SLC9A8: variants seen among roughly 807,000 people sequenced by gnomAD.
The protein encoded by SLC9A8 is solute carrier family 9 member A8, also known as sodium/hydrogen exchanger 8.
SLC9A8 carries 48 observed loss-of-function variants against 66.6 expected under a neutral mutation model. The ratio of observed to expected loss-of-function variants is 0.72; its 90% CI spans 0.57 to 0.92. SLC9A8 has a LOEUF of 0.92. SLC9A8 is among the 40% of genes least tolerant of loss of function. The pLI is 0.00. For synonymous variants in SLC9A8, 274 were observed against 282.6 expected, an observed-to-expected ratio of 0.97 and a Z score of 0.31; for missense variants, 599 against 747.3, an observed-to-expected ratio of 0.80 and a Z score of 2.31.
rs1472886527 is a variant in SLC9A8, at chr20:49,887,934, T to G, written c.1744T>G (p.Ter582GlyextTer38). ...CGAGGACGACGAGCAGGAGCTGCTC[T>G]GACGCCAGGTGCCAAGGCTTCAGGC... ...GSEDDEQELL[*>G] is the part of the protein sequence containing the mutation. The change falls in exon 16 of 16, where the codon TGA becomes GGA. Residue 582 changes from the stop codon to glycine (G), a stop_lost. Coordinates refer to ENST00000361573, the MANE Select transcript of SLC9A8 (RefSeq NM_015266.3). 1.2e-6 allele frequency: 2 copies of G among 1,612,452 alleles called. No individual in the cohort carries two copies. The highest frequency in any genetic ancestry group is 1.7e-6 in the Non-Finnish European group (2 of 1,178,844).
chr20:49,834,139 G>GTCTCTCTCTCTCTCTC (rs71335517), intron 3 of SLC9A8, among the ~76,000 whole-genome samples: 20 of 65,400 alleles, frequency 3.1e-4, no homozygotes, highest in African/African-American at 6.9e-4. Context: ...ATATTAGCTT[G>GTCTCTCTCTCTCTCTC]TCTCTCTCTC....
chr20:49,873,977 C>T (rs557197028), intron 10 of SLC9A8, among the ~76,000 whole-genome samples: 2 of 151,612 alleles, frequency 1.3e-5, no homozygotes, highest in Admixed American at 6.6e-5. Flanking sequence ...TGGCCAGGTG[C>T]AGTGGCTCAC....
At chr20:49,863,180 T>A in intron 9 of SLC9A8, 113 bp downstream of exon 9, 1 of 968,618 alleles carries the variant, frequency 1.0e-6, no homozygotes, top group Non-Finnish European at 1.5e-6. Context: ...AGATTTTGCT[T>A]AAAGGAGGAT....
At chr20:49,859,304 G>A (rs1014973587) in intron 8 of SLC9A8, among the ~76,000 whole-genome samples, 2 of 152,190 alleles carry the variant, frequency 1.3e-5, no homozygotes, top group African/African-American at 4.8e-5. Flanking sequence ...GGCAAAAGAT[G>A]CCCGTAGAGA....
intron 14 of SLC9A8, among the ~76,000 whole-genome samples, chr20:49,884,336 A>ACAC (rs1568884621): frequency 4.6e-5 from 5 of 108,520 alleles, no homozygotes; most frequent in South Asian, 3.1e-4. Context: ...ACACACACAC[A>ACAC]CCCCCCGGTC....
At chr20:49,869,129 A>G (rs1210601285) in intron 10 of SLC9A8, among the ~76,000 whole-genome samples, 2 of 152,170 alleles carry the variant, frequency 1.3e-5, no homozygotes, top group African/African-American at 4.8e-5. Context: ...GATGGGAGAG[A>G]GTGACACTCT....
At chr20:49,862,650 C>T (rs1303762235) in intron 8 of SLC9A8, among the ~76,000 whole-genome samples, 3 of 152,180 alleles carry the variant, frequency 2.0e-5, no homozygotes. Flanking sequence ...CCCTCTACCC[C>T]TCCCGCGGAT....
chr20:49,873,771 C>CAAAAAAA (rs35613935), intron 10 of SLC9A8, among the ~76,000 whole-genome samples: 5 of 60,252 alleles, frequency 8.3e-5, no homozygotes, highest in Non-Finnish European at 9.1e-5. Flanking sequence ...AACTCCGTCT[C>CAAAAAAA]AAAAAAAAAA....
At chr20:49,833,968 G>C (rs1319292578) in intron 3 of SLC9A8, among the ~76,000 whole-genome samples, 1 of 151,662 alleles carries the variant, frequency 6.6e-6, no homozygotes, top group Non-Finnish European at 1.5e-5. Flanking sequence ...TTAAATATAA[G>C]CTGGGCGCAG....
chr20:49,830,212 G>A (rs571545852), intron 3 of SLC9A8: 25 of 823,564 alleles, frequency 3.0e-5, no homozygotes, highest in African/African-American at 2.7e-4. Context: ...GCCGTGAATG[G>A]CAGCATCACA....
Position 49,886,395 on chromosome 20 carries a change from A to G in SLC9A8, c.1492-357A>G, listed in dbSNP as rs191229563. 25 of 180,592 alleles carry G rather than the reference A, an allele frequency of 1.4e-4. No homozygotes were observed. The highest frequency in any genetic ancestry group is 5.4e-4 in the African/African-American group (23 of 42,566). 11.2% of individuals were successfully genotyped at this position (180,592 alleles called of 1,614,324 possible). ...TAATAGAGCCACAGGCAAAGAGACA[A>G]AAAGCCTCCCTGTGCGATTTGCTGC... is the stretch of plus-strand genomic sequence containing the variant. On this transcript the variant is annotated intron_variant, in intron 14 of 15. Transcript: ENST00000361573. This position sits in a 1 kb window ranked among gnomAD's most constrained non-coding sequence, Gnocchi z 4.8.
chr20:49,844,995 A>G, intron 4 of SLC9A8, 41 bp from the exon 5 acceptor site: 1 of 1,405,632 alleles, frequency 7.1e-7, no homozygotes, highest in Non-Finnish European at 1.0e-6. Context: ...TCTTAATTAC[A>G]CAAATTCCAT....
chr20:49,881,526 TCATA>T (rs1482925570), intron 13 of SLC9A8, among the ~76,000 whole-genome samples: 6 of 152,364 alleles, frequency 3.9e-5, no homozygotes, highest in Non-Finnish European at 8.8e-5. Context: ...GGAAATGATT[TCATA>T]CATCTTTGCT....
Position 49,830,772 on chromosome 20 carries a change from G to C in SLC9A8, c.289+7631G>C. ...AAACATAGTCCAAGGGAGCTTCATA[G>C]CCATGATCACTGAGGTGCTGACCCT... On this transcript the variant is annotated intron_variant, in intron 3 of 15. Transcript: ENST00000361573. The C allele has an allele frequency of 1.3e-5, 11 of 826,864 alleles. 1 individual carries two copies. In the South Asian group the frequency reaches 1.4e-4, roughly 10 times the overall value. 51.2% of individuals were successfully genotyped at this position (826,864 alleles called of 1,614,324 possible).
chr20:49,855,945 C>G (rs2088461581), intron 8 of SLC9A8, among the ~76,000 whole-genome samples: 1 of 152,052 alleles, frequency 6.6e-6, no homozygotes, highest in Admixed American at 6.5e-5. Context: ...CACGTGCCAT[C>G]ACGCCCAGCT....
At chr20:49,887,715 C>T in intron 15 of SLC9A8, 114 bp from the exon 16 acceptor site, 4 of 741,112 alleles carry the variant, frequency 5.4e-6, no homozygotes, top group South Asian at 1.8e-5. Context: ...GTGGCCATCA[C>T]CCTGCCTCCC....
At chr20:49,867,060 T>A in intron 10 of SLC9A8, among the ~76,000 whole-genome samples, 1 of 152,238 alleles carries the variant, frequency 6.6e-6, no homozygotes, top group South Asian at 2.1e-4. Context: ...TGTCCTTGTT[T>A]GCTAATTCCG....
intron 14 of SLC9A8, among the ~76,000 whole-genome samples, chr20:49,884,392 G>A (rs1226019670): frequency 6.7e-6 from 1 of 149,738 alleles, no homozygotes; most frequent in Non-Finnish European, 1.5e-5. Flanking sequence ...CTGAAGCATG[G>A]CTCTTGGGGT....
At position 49,859,827 on chromosome 20, in the gene SLC9A8, C is replaced by T. The variant is rs182093739; in HGVS notation, c.714-3102C>T. Among the ~76,000 whole-genome samples, 32 of 152,282 alleles carry T rather than the reference C, an allele frequency of 2.1e-4. 1 individual carries two copies. The highest frequency in any genetic ancestry group is 7.7e-4 in the African/African-American group (32 of 41,552). ...CTACAGCTTAAGCTCATGAAATGGA[C>T]CCTGAAGCAATACTCCCTTTTATTC... On this transcript the variant is annotated intron_variant, in intron 8 of 15. Coordinates refer to ENST00000361573, the MANE Select transcript of SLC9A8 (RefSeq NM_015266.3).
Sources: allele counts gnomAD v4.1 joint callset (sites outside exome capture counted in the v4.1 genomes callset), GRCh38; gene constraint gnomAD v4.1.1; non-coding constraint Gnocchi (gnomAD v3.1); transcripts MANE v1.5; gene names NCBI Gene and HGNC (gene_info 2026-07-23, HGNC 2026-07-21).